The following ZNF582 variants were observed in gnomAD, a reference collection of about 807,000 sequenced individuals.
The protein encoded by ZNF582 is zinc finger protein 582.
ZNF582 carries 14 observed loss-of-function variants against 12.3 expected under a neutral mutation model. The observed-to-expected ratio is 1.14, with a 90% CI of 0.75 to 1.78. The LOEUF is 1.78. ZNF582 is among the 40% of genes most tolerant of loss of function. The pLI is 0.00. For missense variants in ZNF582, 567 were observed against 616.5 expected (o/e 0.92, Z 0.85); for synonymous variants, 210 against 207.2 (o/e 1.01, Z -0.11).
exon 1 of ZNF582, chr19:56,393,386 C>T (rs868469067): frequency 4.4e-6 from 3 of 676,292 alleles, no homozygotes; most frequent in Non-Finnish European, 7.1e-6. Flanking sequence ...CCAACCGGCC[C>T]GGGCACCAGC....
chr19:56,389,495 C>A (rs925637242), intron 4 of ZNF582, among the ~76,000 whole-genome samples: 1 of 151,986 alleles, frequency 6.6e-6, no homozygotes. Context: ...ACACACAGAG[C>A]GGGACAACAC....
chr19:56,388,061 T>C (rs2041982981), intron 4 of ZNF582, among the ~76,000 whole-genome samples: 1 of 152,068 alleles, frequency 6.6e-6, no homozygotes, highest in Admixed American at 6.6e-5. Flanking sequence ...GTCAATTGTG[T>C]GGACTTCTTC....
chr19:56,385,218 CT>C (rs35971666), intron 4 of ZNF582, 34 bp from the exon 5 acceptor site: 71 of 1,497,294 alleles, frequency 4.7e-5, no homozygotes, highest in Admixed American at 3.1e-4. Flanking sequence ...TGTTTGGCTT[CT>C]TTTTTTTTCC....
chr19:56,384,303 A>T, exon 5 of ZNF582: 1 of 1,614,026 alleles, frequency 6.2e-7, no homozygotes, highest in Non-Finnish European at 8.5e-7. Context: ...GCCTTTCCAC[A>T]TACTTTGCAC....
At chr19:56,384,924 G>A (rs764682642) in exon 5 of ZNF582, 3 of 1,614,082 alleles carry the variant, frequency 1.9e-6, no homozygotes, top group Non-Finnish European at 2.5e-6. Flanking sequence ...TCTCTAGTAT[G>A]AATTTTCTGA....
Position 56,393,331 on chromosome 19 carries a change from A to G in ZNF582, c.-192T>C. ...TAGTCTCACGCCGGTAAAGCCACAG[A>G]GCGACGATGAGGCGAGACGTCTGCG... On this transcript the variant is annotated 5_prime_UTR_variant, in exon 1 of 5. Transcript: ENST00000586929. 2.7e-6 allele frequency: 3 copies of G among 1,114,854 alleles called. No individual in the cohort carries two copies. In the South Asian group the frequency reaches 4.1e-5, roughly 15 times the overall value. 69.1% of individuals were successfully genotyped at this position (1,114,854 alleles called of 1,614,324 possible). A position where few individuals can be genotyped will look rare whatever the true frequency, so the allele number is the denominator to read the frequency against.
intron 1 of ZNF582, among the ~76,000 whole-genome samples, chr19:56,392,929 C>G (rs1281679536): frequency 6.6e-6 from 1 of 152,074 alleles, no homozygotes; most frequent in Non-Finnish European, 1.5e-5. Context: ...CTTATTATGA[C>G]CACTTTTATA....
Position 56,389,171 on chromosome 19 carries a change from G to C in ZNF582, c.232+830C>G, listed in dbSNP as rs572718787. Reference sequence around the variant, plus strand: ...ATATTAGCTCATGTCCAGTGTGTATGATTTCATGTCTATTTTCCCACTGCA... The same window carrying C: ...ATATTAGCTCATGTCCAGTGTGTATCATTTCATGTCTATTTTCCCACTGCA... On this transcript the variant is annotated intron_variant, in intron 4 of 4. Transcript: ENST00000586929. Among the ~76,000 whole-genome samples the C allele has an allele frequency of 6.6e-5, 10 of 152,302 alleles. No homozygotes were observed. In the South Asian group the frequency reaches 1.7e-3, roughly 25 times the overall value.
chr19:56,384,588 G>C, exon 5 of ZNF582: 2 of 1,614,022 alleles, frequency 1.2e-6, no homozygotes, highest in South Asian at 2.2e-5. Context: ...TCGCCTGTGT[G>C]AGTTCGCTGA....
chr19:56,384,231 G>A lies in ZNF582; in HGVS notation c.1186C>T (p.Gln396Ter). 2 of 1,613,510 alleles carry A rather than the reference G, an allele frequency of 1.2e-6. No homozygotes were observed. The highest frequency in any genetic ancestry group is 1.7e-6 in the Non-Finnish European group (2 of 1,179,838). ...AAGGCCCTACCACATACCTTACATT[G>A]GTAGGGTTTCTCTCCAGTGTGAATT... Residue 396 changes from glutamine (Q) to a stop codon, truncating the protein, a stop_gained, in exon 5 of 5, where the codon CAA becomes TAA. Transcript: ENST00000586929. LOFTEE classifies it low-confidence loss of function (END_TRUNC).
chr19:56,385,696 G>A (rs2041960849), intron 4 of ZNF582, among the ~76,000 whole-genome samples: 1 of 151,650 alleles, frequency 6.6e-6, no homozygotes, highest in Admixed American at 6.6e-5. Flanking sequence ...AAGAGTTGGT[G>A]TGGGTCAGAA....
At chr19:56,393,123 A>G (rs2042030663) in intron 1 of ZNF582, 97 bp downstream of exon 1, 1 of 1,063,034 alleles carries the variant, frequency 9.4e-7, no homozygotes, top group African/African-American at 1.8e-5. Flanking sequence ...CTCATGAAAC[A>G]AGATTTCCTC....
At chr19:56,383,518 C>A (rs1487995305) in exon 5 of ZNF582, 2 of 174,510 alleles carry the variant, frequency 1.1e-5, no homozygotes, top group East Asian at 1.5e-4. Context: ...TCAATTCATT[C>A]TTTTCATTAC....
At chr19:56,393,518 G>A (rs1183446571) in exon 1 of ZNF582, 1 of 493,624 alleles carries the variant, frequency 2.0e-6, no homozygotes, top group East Asian at 5.9e-5. Flanking sequence ...CACGGTACCG[G>A]TGGATTCGCC....
At chr19:56,389,191 A>G (rs935158176) in intron 4 of ZNF582, among the ~76,000 whole-genome samples, 1 of 152,102 alleles carries the variant, frequency 6.6e-6, no homozygotes, top group African/African-American at 2.4e-5. Context: ...CTATTTTCCC[A>G]CTGCAGTGTA....
At chr19:56,383,901 G>C in exon 5 of ZNF582, 1 of 1,599,988 alleles carries the variant, frequency 6.3e-7, no homozygotes. Context: ...CCATTCATAT[G>C]GTTGCTTGCC....
rs1271608580 is a variant in ZNF582 at position 56,385,780 on chromosome 19, A to C, written c.233-596T>G. Among the ~76,000 whole-genome samples the C allele has an allele frequency of 2.0e-5, 3 of 152,210 alleles. No homozygotes were observed. In the South Asian group the frequency reaches 6.2e-4, roughly 32 times the overall value. ...CTAGAAAAGACAAATATAGAGTGAC[A>C]GAAACCAAAGCAAATCATTGGTTTG... On this transcript the variant is annotated intron_variant, in intron 4 of 4. Coordinates refer to ENST00000586929, the Ensembl canonical transcript of ZNF582.
At position 56,383,845 on chromosome 19, in the gene ZNF582, G is replaced by T. The variant is rs1436352825; in HGVS notation, c.*18C>A. 9 of 1,526,554 alleles carry T rather than the reference G, an allele frequency of 5.9e-6. No individual in the cohort carries two copies. In the East Asian group the frequency reaches 2.0e-4, roughly 35 times the overall value. The allele number at this position is 1,526,554 out of a possible 1,614,324, so 94.6% of individuals were successfully genotyped here. On this transcript the variant is annotated 3_prime_UTR_variant, in exon 5 of 5. Transcript: ENST00000586929. ...GTCTTTCTCCAAGAGGGAGAAGTAA[G>T]TCACAGTCACAATTAGCCTAGGCTA...
intron 3 of ZNF582, 94 bp from the exon 4 acceptor site, chr19:56,390,190 A>G (rs2042003419): frequency 2.9e-6 from 4 of 1,364,604 alleles, no homozygotes; most frequent in Non-Finnish European, 4.1e-6. Flanking sequence ...AGGCAGTTGC[A>G]GGAAGTGCCA....
Sources: gnomAD v4.1 joint callset for allele counts (sites outside exome capture counted in the v4.1 genomes callset) on GRCh38, gnomAD v4.1.1 for gene constraint, MANE v1.5 for transcripts, NCBI Gene and HGNC (gene_info 2026-07-23, HGNC 2026-07-21) for gene names.